SETD2: variants seen among roughly 807,000 people sequenced by gnomAD.
SETD2 encodes SET domain containing 2, histone lysine methyltransferase.
SETD2 carries 31 observed loss-of-function variants against 242.1 expected under a neutral mutation model. That is an observed-to-expected ratio of 0.13 (90% CI 0.10 to 0.17). The LOEUF (loss-of-function observed/expected upper bound fraction) is 0.17. Among genes scored for constraint, SETD2 ranks in the 10% least tolerant of loss-of-function variants. SETD2 has a pLI of 1.00. For synonymous variants in SETD2, 1,006 were observed against 1,066.5 expected, an observed-to-expected ratio of 0.94 and a Z score of 1.11; for missense variants, 2,481 against 3,046.3, an observed-to-expected ratio of 0.81 and a Z score of 4.37.
chr3:47,147,796 G>A (rs9873037), intron 1 of SETD2, among the ~76,000 whole-genome samples: 6,403 of 151,006 alleles, frequency 0.042, 472 homozygotes, highest in African/African-American at 0.15. Context: ...GGTGGTGGGC[G>A]CCTGTAGTCC....
At chr3:47,050,509 C>T (rs955235071) in intron 15 of SETD2, among the ~76,000 whole-genome samples, 1 of 151,980 alleles carries the variant, frequency 6.6e-6, no homozygotes, top group Admixed American at 6.6e-5. Flanking sequence ...ATCAGAAATC[C>T]CAAATGCTAC....
chr3:47,044,250 G>A lies in SETD2; in HGVS notation c.7099-1550C>T, dbSNP rs1452255946. Among the ~76,000 whole-genome samples, 14 of 147,732 alleles carry A rather than the reference G, an allele frequency of 9.5e-5. No homozygotes were observed. In the Admixed American group the frequency reaches 9.7e-4, roughly 10 times the overall value. ...CCCAGCTACTCAGGAGGCTGAGGCA[G>A]GAGAACTGCTTGAACCTGGGAGGCG... On this transcript the variant is annotated intron_variant, in intron 16 of 20. Coordinates refer to ENST00000409792, the MANE Select transcript of SETD2 (RefSeq NM_014159.7).
intron 12 of SETD2, among the ~76,000 whole-genome samples, chr3:47,072,912 A>G (rs1326859376): frequency 1.3e-5 from 2 of 150,550 alleles, no homozygotes; most frequent in Admixed American, 1.3e-4. Context: ...TTGCCACTGC[A>G]CTCCAGCCTG....
At chr3:47,104,103 C>G (rs2042318288) in intron 6 of SETD2, among the ~76,000 whole-genome samples, 1 of 151,856 alleles carries the variant, frequency 6.6e-6, no homozygotes, top group South Asian at 2.1e-4. Flanking sequence ...GGGGTTAGGT[C>G]CCTAGAATTT....
At chr3:47,109,711 C>T (rs1270916108) in intron 5 of SETD2, among the ~76,000 whole-genome samples, 1 of 152,036 alleles carries the variant, frequency 6.6e-6, no homozygotes, top group African/African-American at 2.4e-5. Flanking sequence ...TTCGGCCAGC[C>T]ACGGTGGCTT....
intron 1 of SETD2, among the ~76,000 whole-genome samples, chr3:47,159,980 A>AG (rs1697442177): frequency 1.3e-5 from 2 of 152,090 alleles, no homozygotes; most frequent in African/African-American, 4.8e-5. Context: ...ATTCCAAAAA[A>AG]AAAAAAAAGC....
chr3:47,067,802 A>G (rs1378830370), intron 12 of SETD2, among the ~76,000 whole-genome samples: 1 of 152,204 alleles, frequency 6.6e-6, no homozygotes, highest in Non-Finnish European at 1.5e-5. Flanking sequence ...CTTCAGAAAA[A>G]TTGTATGTGT....
chr3:47,121,307 C>T lies in SETD2; in HGVS notation c.3329G>A (p.Arg1110Lys), dbSNP rs2106645639. 6.2e-7 allele frequency: 1 copy of T among 1,612,320 alleles called. No individual in the cohort carries two copies. Among genetic ancestry groups the T allele is most frequent in the Non-Finnish European group, 8.5e-7 (1 of 1,179,972 alleles). The change falls in exon 3 of 21, where the codon AGA becomes AAA. Residue 1110 changes from arginine to lysine, a missense_variant. By Grantham distance (26) the Arg-to-Lys change is conservative. Coordinates refer to ENST00000409792, the MANE Select transcript of SETD2 (RefSeq NM_014159.7). ...TTCAAATTTTTCCTCATACAAATGT[C>T]TCCTTGACTCCAATCTCTCATCTTC... ...HWEDERLESR[R>K]HLYEEKFESI... is the part of the protein sequence containing the mutation.
chr3:47,039,848 A>G (rs1239499013), intron 17 of SETD2, among the ~76,000 whole-genome samples: 1 of 147,342 alleles, frequency 6.8e-6, no homozygotes, highest in Admixed American at 6.8e-5. Flanking sequence ...ACGCCACTGC[A>G]CTCCAGCGTG....
chr3:47,085,118 C>T (rs1575746923), intron 11 of SETD2, among the ~76,000 whole-genome samples: 1 of 152,288 alleles, frequency 6.6e-6, no homozygotes, highest in Non-Finnish European at 1.5e-5. Context: ...TTAAGAACTA[C>T]ATCTCTGTAA....
At chr3:47,029,849 G>T (rs1254610993) in intron 18 of SETD2, among the ~76,000 whole-genome samples, 1 of 152,040 alleles carries the variant, frequency 6.6e-6, no homozygotes, top group East Asian at 1.9e-4. Context: ...ACTACAAAAA[G>T]CGGACATTTA....
intron 3 of SETD2, among the ~76,000 whole-genome samples, chr3:47,117,469 C>T (rs1268661804): frequency 6.6e-6 from 1 of 152,048 alleles, no homozygotes; most frequent in East Asian, 1.9e-4. Context: ...AAAACTCATG[C>T]ATTTCAAATA....
At chr3:47,139,333 C>T (rs1056194123) in intron 1 of SETD2, among the ~76,000 whole-genome samples, 2 of 152,138 alleles carry the variant, frequency 1.3e-5, no homozygotes, top group Non-Finnish European at 2.9e-5. Context: ...CTTTTCCTAT[C>T]CTTTTCTTAC....
chr3:47,117,236 C>T (rs1189975966), intron 3 of SETD2, among the ~76,000 whole-genome samples: 1 of 135,970 alleles, frequency 7.4e-6, no homozygotes, highest in African/African-American at 2.9e-5. Context: ...ACTTGTGAGA[C>T]TGAAAATCCT....
intron 1 of SETD2, among the ~76,000 whole-genome samples, chr3:47,141,769 C>T (rs1314738067): frequency 6.6e-6 from 1 of 152,040 alleles, no homozygotes; most frequent in African/African-American, 2.4e-5. Flanking sequence ...AAAATCAAAA[C>T]ACATTAAAAA....
chr3:47,075,884 A>T (rs902404831), intron 12 of SETD2, among the ~76,000 whole-genome samples: 5 of 152,250 alleles, frequency 3.3e-5, no homozygotes, highest in Non-Finnish European at 5.9e-5. Context: ...AATATGTTCT[A>T]GGGATTCGAG....
chr3:47,036,714 C>G (rs2039012094), intron 18 of SETD2, among the ~76,000 whole-genome samples: 1 of 151,690 alleles, frequency 6.6e-6, no homozygotes, highest in Non-Finnish European at 1.5e-5. Flanking sequence ...ACCAGCCTGG[C>G]CAACATGGTG....
At chr3:47,022,232 CAA>C (rs60332171) in intron 18 of SETD2, among the ~76,000 whole-genome samples, 2 of 144,426 alleles carry the variant, frequency 1.4e-5, no homozygotes, top group African/African-American at 2.6e-5. Flanking sequence ...CACACACACA[CAA>C]ATTTAGCACG....
chr3:47,142,824 C>T (rs1473864599), intron 1 of SETD2, among the ~76,000 whole-genome samples: 2 of 152,096 alleles, frequency 1.3e-5, no homozygotes, highest in African/African-American at 2.4e-5. Context: ...CCTGCCACCA[C>T]GCCCAACTGA....
Sources: allele counts gnomAD v4.1 joint callset (sites outside exome capture counted in the v4.1 genomes callset), GRCh38; gene constraint gnomAD v4.1.1; transcripts MANE v1.5; gene names NCBI Gene and HGNC (gene_info 2026-07-23, HGNC 2026-07-21).